The following TGFBI variants were observed in gnomAD, a reference collection of about 807,000 sequenced individuals.
TGFBI encodes the protein transforming growth factor beta induced, also known as transforming growth factor-beta-induced protein ig-h3.
Under a neutral mutation model 73.7 loss-of-function variants are expected in TGFBI, and 50 were observed. The observed-to-expected ratio is 0.68, with a 90% CI of 0.54 to 0.86. The LOEUF is 0.86. TGFBI is among the 40% of genes least tolerant of loss of function. The pLI is 0.00. For missense variants in TGFBI, 839 were observed against 877.0 expected, an observed-to-expected ratio of 0.96 and a Z score of 0.55; for synonymous variants, 362 against 360.5, an observed-to-expected ratio of 1.00 and a Z score of -0.05.
At chr5:136,056,935 TAAAGGAACTAGC>T in intron 12 of TGFBI, 140 bp downstream of exon 12, 1 of 1,169,438 alleles carries the variant, frequency 8.6e-7, no homozygotes, top group South Asian at 1.6e-5. Context: ...TGGGCGGGAC[TAAAGGAACTAGC>T]AAAGGATGAG....
At chr5:136,040,612 G>A (rs1196793389) in intron 2 of TGFBI, among the ~76,000 whole-genome samples, 2 of 152,186 alleles carry the variant, frequency 1.3e-5, no homozygotes, top group African/African-American at 4.8e-5. Flanking sequence ...AAAAAGGTTG[G>A]GGACCGCTGT....
At chr5:136,061,735 C>T (rs1263459532) in intron 15 of TGFBI, 156 bp downstream of exon 15, 1 of 704,564 alleles carries the variant, frequency 1.4e-6, no homozygotes, top group African/African-American at 1.8e-5. Context: ...CAGCCCCAGC[C>T]TGTGTCAAAT....
intron 9 of TGFBI, 142 bp from the exon 10 acceptor site, chr5:136,054,574 A>C: frequency 9.4e-7 from 1 of 1,066,718 alleles, no homozygotes; most frequent in South Asian, 1.3e-5. Context: ...GATGTTAAGG[A>C]ATATTGGCAG....
At position 136,052,202 on chromosome 5, in the gene TGFBI, G is replaced by T. The variant is rs372105897; in HGVS notation, c.914-705G>T. Among the ~76,000 whole-genome samples, 17 of 152,372 alleles carry T rather than the reference G, an allele frequency of 1.1e-4. No homozygotes were observed. The East Asian group carries it at 3.3e-3, about 29-fold the overall frequency. On this transcript the variant is annotated intron_variant, in intron 7 of 16. Transcript: ENST00000442011. ...CCCCTTTGGGCCTCAGCCCTGCCCT[G>T]CCCCCTAAAGTAGCACTTGGATAAG...
At chr5:136,029,699 C>T (rs1751080564) in intron 1 of TGFBI, among the ~76,000 whole-genome samples, 1 of 152,200 alleles carries the variant, frequency 6.6e-6, no homozygotes, top group Non-Finnish European at 1.5e-5. Context: ...TGCACTCAGA[C>T]ACTGCTGGCA....
In TGFBI at chr5:136,049,453, A is replaced by G; in HGVS notation, c.786A>G (p.Ala262=). 6.2e-7 allele frequency: 1 copy of G among 1,613,942 alleles called. No homozygotes were observed. The highest frequency in any genetic ancestry group is 8.5e-7 in the Non-Finnish European group (1 of 1,179,846). Residue 262 remains alanine, a synonymous_variant, in exon 7 of 17, where the codon GCA becomes GCG. Coordinates refer to ENST00000442011, the MANE Select transcript of TGFBI (RefSeq NM_000358.3). Reference sequence around the variant, plus strand: ...CCTCCCCACAGGCTGCTGTGGCTGCATCAGGGCTCAACACGATGCTTGAAG... The same window carrying G: ...CCTCCCCACAGGCTGCTGTGGCTGCGTCAGGGCTCAACACGATGCTTGAAG... ...TFETLRAAVA[A]SGLNTMLEGN... is the part of the protein sequence containing the mutation.
chr5:136,061,259 A>G, intron 14 of TGFBI: 4 of 585,082 alleles, frequency 6.8e-6, no homozygotes, highest in East Asian at 2.9e-5. Context: ...ACCTCAGTGT[A>G]TGTTCCTTGC....
At chr5:136,034,324 G>A (rs1485798360) in intron 2 of TGFBI, among the ~76,000 whole-genome samples, 2 of 152,042 alleles carry the variant, frequency 1.3e-5, no homozygotes, top group Non-Finnish European at 1.5e-5. Flanking sequence ...AGACAGCATA[G>A]CATATAATAT....
chr5:136,056,534 T>G lies in TGFBI; in HGVS notation c.1548-131T>G, dbSNP rs1751634598. The G allele has an allele frequency of 2.5e-6, 3 of 1,193,018 alleles. No individual in the cohort carries two copies. In the Admixed American group the frequency reaches 6.2e-5, roughly 25 times the overall value. 73.9% of individuals were successfully genotyped at this position (1,193,018 alleles called of 1,614,324 possible). On this transcript the variant is annotated intron_variant, in intron 11 of 16. Transcript: ENST00000442011. ...TACGGAGGGCATGAAAACCAAGGTG[T>G]GTGCATTCCAGTGGCCTGGACTCTA...
intron 2 of TGFBI, among the ~76,000 whole-genome samples, chr5:136,043,490 G>C (rs1751374474): frequency 6.6e-6 from 1 of 152,194 alleles, no homozygotes. Flanking sequence ...AAAACTTGAT[G>C]ATTGTAGATA....
intron 2 of TGFBI, among the ~76,000 whole-genome samples, chr5:136,040,894 C>A (rs1251924300): frequency 6.6e-6 from 1 of 152,228 alleles, no homozygotes; most frequent in Non-Finnish European, 1.5e-5. Flanking sequence ...CCAACCACAG[C>A]ATCTATGTTC....
At chr5:136,029,226 C>G (rs1490648489) in intron 1 of TGFBI, 37 bp downstream of exon 1, 1 of 1,436,806 alleles carries the variant, frequency 7.0e-7, no homozygotes, top group South Asian at 1.4e-5. Context: ...TGCGGAAGGT[C>G]AGGTAGTCGG....
rs1751450580 is a variant in TGFBI, at chr5:136,047,379, C to T, written c.730C>T (p.Gln244Ter). 1 of 1,613,802 alleles carries T rather than the reference C, an allele frequency of 6.2e-7. No individual in the cohort carries two copies. Among genetic ancestry groups the T allele is most frequent in the African/African-American group, 1.3e-5 (1 of 74,902 alleles). ...KVISTITNNI[Q>*]QIIEIEDTFE... ...CATCTCCACCATCACCAACAACATC[C>T]AGCAGATCATTGAGATCGAGGACAC... The change falls in exon 6 of 17, where the codon CAG becomes TAG. Residue 244 changes from glutamine (Q) to a stop codon, truncating the protein, a stop_gained. Transcript: ENST00000442011. LOFTEE classifies it high-confidence loss of function.
Position 136,029,165 on chromosome 5 carries a change from G to T in TGFBI, c.110G>T (p.Ser37Ile). Residue 37 changes from serine to isoleucine, a missense_variant, in exon 1 of 17, where the codon AGC (serine) becomes ATC (isoleucine). Coordinates refer to ENST00000442011, the MANE Select transcript of TGFBI (RefSeq NM_000358.3). The stretch of plus-strand genomic sequence containing the variant: ...CCCTACCAGCTGGTGCTGCAGCACA[G>T]CAGGCTCCGGGGCCGCCAGCACGGG... ...KSPYQLVLQH[S>I]RLRGRQHGPN... 1 of 1,516,698 alleles carries T rather than the reference G, an allele frequency of 6.6e-7. No homozygotes were observed. The highest frequency in any genetic ancestry group is 2.6e-5 in the East Asian group (1 of 39,024). The allele number at this position is 1,516,698 out of a possible 1,614,324, so 94.0% of individuals were successfully genotyped here.
intron 11 of TGFBI, 163 bp from the exon 12 acceptor site, chr5:136,056,500 CTT>C: frequency 2.5e-6 from 2 of 796,596 alleles, no homozygotes; most frequent in Non-Finnish European, 4.0e-6. Flanking sequence ...ATCACTCCCT[CTT>C]TGTGCATACG....
intron 7 of TGFBI, 31 bp downstream of exon 7, chr5:136,049,611 C>A: frequency 2.5e-6 from 4 of 1,603,426 alleles, no homozygotes; most frequent in South Asian, 1.1e-5. Flanking sequence ...GCTGCTGCCT[C>A]ATTTGTGCAG....
At chr5:136,034,072 G>A (rs1027445477) in intron 2 of TGFBI, among the ~76,000 whole-genome samples, 3 of 152,136 alleles carry the variant, frequency 2.0e-5, no homozygotes, top group Non-Finnish European at 4.4e-5. Flanking sequence ...ACAAGACTTG[G>A]AGACATTTTT....
chr5:136,032,572 T>C (rs1751139255), intron 1 of TGFBI, among the ~76,000 whole-genome samples: 1 of 152,178 alleles, frequency 6.6e-6, no homozygotes, highest in African/African-American at 2.4e-5. Flanking sequence ...AACAGGGAAA[T>C]TGATGTTAAA....
intron 6 of TGFBI, chr5:136,049,122 T>G: frequency 3.8e-6 from 1 of 263,836 alleles, no homozygotes; most frequent in Non-Finnish European, 7.3e-6. Flanking sequence ...AATGATATTT[T>G]AGTGGAAGAA....
Sources: gnomAD v4.1 joint callset for allele counts (sites outside exome capture counted in the v4.1 genomes callset) on GRCh38, gnomAD v4.1.1 for gene constraint, MANE v1.5 for transcripts, NCBI Gene and HGNC (gene_info 2026-07-23, HGNC 2026-07-21) for gene names.